TAB3: variants seen among roughly 807,000 people sequenced by gnomAD.
TAB3 encodes the protein TGF-beta-activated kinase 1 and MAP3K7-binding protein 3.
In TAB3, 18 loss-of-function variants were observed where a neutral mutation model predicts 48.1. That is an observed-to-expected ratio of 0.37 (90% CI 0.26 to 0.55). TAB3 has a LOEUF of 0.55. Ranked by LOEUF, TAB3 falls within the 20% of genes least tolerant of loss-of-function variation. TAB3 has a pLI of 0.78. For missense variants in TAB3, 414 were observed against 549.8 expected (o/e 0.75, Z 2.47); for synonymous variants, 185 against 190.2 (o/e 0.97, Z 0.22).
intron 1 of TAB3, among the ~76,000 whole-genome samples, chrX:30,888,077 T>C (rs1487259986): frequency 8.9e-6 from 1 of 112,225 alleles, no homozygotes; most frequent in African/African-American, 3.2e-5. Flanking sequence ...TAAACTCTCA[T>C]CTCAAAAAAC....
At chrX:30,856,582 C>T (rs1228491629) in intron 5 of TAB3, among the ~76,000 whole-genome samples, 1 of 111,913 alleles carries the variant, frequency 8.9e-6, no homozygotes, top group Non-Finnish European at 1.9e-5. Context: ...ATTATTGTGA[C>T]CTTCTCTGTA....
intron 1 of TAB3, among the ~76,000 whole-genome samples, chrX:30,883,256 A>T (rs1415999869): frequency 8.9e-6 from 1 of 112,123 alleles, no homozygotes; most frequent in African/African-American, 3.2e-5. Context: ...GTGGACAGCC[A>T]AGCAGACAAA....
chrX:30,833,992 C>T, intron 10 of TAB3, 59 bp downstream of exon 10: 2 of 1,026,668 alleles, frequency 1.9e-6, no homozygotes, highest in Non-Finnish European at 2.7e-6. Context: ...TATAATTCTA[C>T]ATGGATTAAC....
rs1200097874 is a variant in TAB3 at position 30,830,705 on chromosome X, T to C, written c.*722A>G. 1 of 112,477 alleles carries C rather than the reference T, an allele frequency of 8.9e-6. No homozygotes were observed. Among genetic ancestry groups the C allele is most frequent in the African/African-American group, 3.2e-5 (1 of 30,923 alleles). 9.3% of individuals were successfully genotyped at this position (112,477 alleles called of 1,213,427 possible). A position where few individuals can be genotyped will look rare whatever the true frequency, so the allele number is the denominator to read the frequency against. ...CTTATGTGGCATAAGTAGGTCTTAG[T>C]TACCAGTGTTGATAGAGCTCGATGA... On this transcript the variant is annotated 3_prime_UTR_variant, in exon 11 of 11. Coordinates refer to ENST00000288422, the MANE Select transcript of TAB3 (RefSeq NM_152787.5).
intron 4 of TAB3, among the ~76,000 whole-genome samples, chrX:30,866,870 TA>T (rs77868699): frequency 0.021 from 1,590 of 74,695 alleles, 39 homozygotes; most frequent in African/African-American, 0.074. Flanking sequence ...AAGGGGTGTT[TA>T]AAAAAAAAAA....
chrX:30,867,208 T>C lies in TAB3; in HGVS notation c.-184A>G, dbSNP rs948548458. On this transcript the variant is annotated 5_prime_UTR_variant, in exon 4 of 11. Transcript: ENST00000288422. ...AACAACCAACTGTGATGGGGTTTCC[T>C]GGATGGAATCCTGAAAGAGGAAAAA... is the stretch of plus-strand genomic sequence containing the variant. 1.8e-5 allele frequency: 2 copies of C among 111,818 alleles called. No individual in the cohort carries two copies. The highest frequency in any genetic ancestry group is 3.8e-5 in the Non-Finnish European group (2 of 53,147). 9.2% of individuals were successfully genotyped at this position (111,818 alleles called of 1,213,427 possible).
rs996733834 is a variant in TAB3 at position 30,829,932 on chromosome X, A to G, written c.*1495T>C. On this transcript the variant is annotated 3_prime_UTR_variant, in exon 11 of 11. Coordinates refer to ENST00000288422, the MANE Select transcript of TAB3 (RefSeq NM_152787.5). ...ATATCCTCAGGTAAAATCCTTTAGG[A>G]TGGGAGAACCTACTAACTTTATTGC... 2 of 110,442 alleles carry G rather than the reference A, an allele frequency of 1.8e-5. No homozygotes were observed. The highest frequency in any genetic ancestry group is 3.3e-5 in the African/African-American group (1 of 30,297). The allele number at this position is 110,442 out of a possible 1,213,427, so 9.1% of individuals were successfully genotyped here. A position where few individuals can be genotyped will look rare whatever the true frequency, so the allele number is the denominator to read the frequency against.
At chrX:30,864,935 T>A (rs1221881667) in intron 4 of TAB3, among the ~76,000 whole-genome samples, 2 of 111,497 alleles carry the variant, frequency 1.8e-5, no homozygotes, top group African/African-American at 3.3e-5. Flanking sequence ...AAGGCACCAC[T>A]CCCCTTTTAG....
chrX:30,875,837 G>C (rs1384672598), intron 1 of TAB3, among the ~76,000 whole-genome samples: 1 of 112,024 alleles, frequency 8.9e-6, no homozygotes, highest in Non-Finnish European at 1.9e-5. Context: ...AGTGAGTACA[G>C]CTATATAAAA....
chrX:30,887,074 C>T (rs1221963365), intron 1 of TAB3, among the ~76,000 whole-genome samples: 1 of 112,447 alleles, frequency 8.9e-6, no homozygotes, highest in East Asian at 2.8e-4. Flanking sequence ...CTGTCAAGTA[C>T]TCCACTTGCT....
chrX:30,852,935 A>G lies in TAB3; in HGVS notation c.1553T>C (p.Leu518Ser). The G allele has an allele frequency of 8.3e-7, 1 of 1,210,747 alleles. No homozygotes were observed. The highest frequency in any genetic ancestry group is 1.1e-6 in the Non-Finnish European group (1 of 895,215). The change falls in exon 7 of 11, where the codon TTG (leucine) becomes TCG (serine). Residue 518 changes from leucine (L) to serine (S), a missense_variant. Transcript: ENST00000288422. ...CATCCTTGCTCGTTGATGTAACAGCAAGGCTACAGCATTATAGATAATGTC... is the reference window on the plus strand; with the variant it reads ...CATCCTTGCTCGTTGATGTAACAGCGAGGCTACAGCATTATAGATAATGTC... ...GSDDYAYTQA[L>S]LLHQRARMER...
At chrX:30,840,508 T>G (rs2147334896) in intron 9 of TAB3, among the ~76,000 whole-genome samples, 1 of 111,254 alleles carries the variant, frequency 9.0e-6, no homozygotes, top group Non-Finnish European at 1.9e-5. Context: ...CATGATATGG[T>G]TTGTCTGTGT....
intron 8 of TAB3, chrX:30,844,110 G>T (rs745806670): frequency 9.1e-6 from 1 of 110,352 alleles, no homozygotes; most frequent in East Asian, 2.8e-4. Flanking sequence ...ACCGAAAAAG[G>T]TTTAGATTCC....
chrX:30,876,375 G>A (rs1457621027), intron 1 of TAB3, among the ~76,000 whole-genome samples: 1 of 112,384 alleles, frequency 8.9e-6, no homozygotes, highest in Non-Finnish European at 1.9e-5. Context: ...ATGACCAGAA[G>A]AGACTCAGAA....
chrX:30,835,015 A>G (rs1435532652), intron 9 of TAB3: 1 of 122,023 alleles, frequency 8.2e-6, no homozygotes, highest in Non-Finnish European at 1.9e-5. Context: ...CTCCCAAATC[A>G]TTTCCTGAAT....
chrX:30,881,021 T>C (rs984610869), intron 1 of TAB3, among the ~76,000 whole-genome samples: 2 of 111,559 alleles, frequency 1.8e-5, no homozygotes, highest in Non-Finnish European at 3.8e-5. Flanking sequence ...TAATATATAA[T>C]GATCTATTCA....
intron 1 of TAB3, among the ~76,000 whole-genome samples, chrX:30,875,787 AC>A (rs1939814527): frequency 8.9e-6 from 1 of 112,206 alleles, no homozygotes; most frequent in East Asian, 2.8e-4. Context: ...TTACGCACAT[AC>A]AATGTAACCT....
chrX:30,840,039 T>A (rs1938387216), intron 9 of TAB3, among the ~76,000 whole-genome samples: 1 of 107,629 alleles, frequency 9.3e-6, no homozygotes, highest in African/African-American at 3.4e-5. Context: ...CTGTCCACTT[T>A]ATCTAAGGTG....
intron 6 of TAB3, among the ~76,000 whole-genome samples, chrX:30,853,897 A>C (rs1455974523): frequency 9.0e-6 from 1 of 110,900 alleles, no homozygotes; most frequent in Non-Finnish European, 1.9e-5. Context: ...CTGGTCTCAA[A>C]CTCCTGACCT....
Sources: gnomAD v4.1 joint callset for allele counts (sites outside exome capture counted in the v4.1 genomes callset) on GRCh38, gnomAD v4.1.1 for gene constraint, MANE v1.5 for transcripts, NCBI Gene and HGNC (gene_info 2026-07-23, HGNC 2026-07-21) for gene names.